Variants in GALC observed in about 807,000 individuals in gnomAD.
GALC encodes galactocerebrosidase.
In GALC, 77 loss-of-function variants were observed where a neutral mutation model predicts 91.8. The ratio of observed to expected loss-of-function variants is 0.84; its 90% CI spans 0.70 to 1.01. The LOEUF (loss-of-function observed/expected upper bound fraction) is 1.01, where lower values mean the gene tolerates loss of function less well. GALC is among the 50% of genes least tolerant of loss of function. GALC has a pLI of 0.00. For synonymous variants in GALC, 357 were observed against 306.7 expected (o/e 1.16, Z -1.71); for missense variants, 882 against 855.9 (o/e 1.03, Z -0.38).
chr14:87,987,458 T>G (rs992894308), intron 3 of GALC, among the ~76,000 whole-genome samples: 3 of 152,222 alleles, frequency 2.0e-5, no homozygotes, highest in Non-Finnish European at 4.4e-5. Context: ...CTTTGCACTT[T>G]TTCTTCAACA....
Position 87,965,517 on chromosome 14 carries a change from C to T in GALC, c.1021G>A (p.Val341Ile). Residue 341 changes from valine to isoleucine, a missense_variant, in exon 9 of 17, where the codon GTC (valine) becomes ATC (isoleucine). Coordinates refer to ENST00000261304, the MANE Select transcript of GALC (RefSeq NM_000153.4). ...AACTGAACCATACCTGATACCCAGA[C>T]AGGAGATTCTACCACGTAGTGCCCA... Reference protein sequence around the residue: ...WSGHYVVESPVWVSAHTTQFT... With the variant: ...WSGHYVVESPIWVSAHTTQFT... 6.2e-7 allele frequency: 1 copy of T among 1,613,510 alleles called. No homozygotes were observed. The highest frequency in any genetic ancestry group is 1.1e-5 in the South Asian group (1 of 91,080).
chr14:87,989,075 G>A (rs1428309537), intron 1 of GALC, among the ~76,000 whole-genome samples: 2 of 152,078 alleles, frequency 1.3e-5, no homozygotes, highest in African/African-American at 4.8e-5. Flanking sequence ...ACAGCGCAGG[G>A]ACCAATACTG....
At chr14:87,986,672 C>G in intron 3 of GALC, 70 bp from the exon 4 acceptor site, 1 of 854,866 alleles carries the variant, frequency 1.2e-6, no homozygotes, top group Non-Finnish European at 2.0e-6. Flanking sequence ...TCTCACTCCC[C>G]ACCCCCACCC....
At chr14:87,960,836 C>T (rs1359833326) in intron 10 of GALC, among the ~76,000 whole-genome samples, 6 of 152,014 alleles carry the variant, frequency 3.9e-5, no homozygotes, top group Non-Finnish European at 7.4e-5. Context: ...GGACCAAAAA[C>T]CTAAATTTAA....
Position 87,993,112 on chromosome 14 carries a change from G to A in GALC, c.53C>T (p.Thr18Ile), listed in dbSNP as rs755139799. 2.0e-5 allele frequency: 32 copies of A among 1,589,662 alleles called. No individual in the cohort carries two copies. In the South Asian group the frequency reaches 3.3e-4, roughly 16 times the overall value. ...GCGGCCCGCCGAACCCGCGGCCGCA[G>A]TCATAGCTTTCGCTCGGCGTTGCCA... ...ASWQRRAKAM[T>I]AAAGSAGRAA... Residue 18 changes from threonine (T) to isoleucine (I), a missense_variant, in exon 1 of 17, where the codon ACT (threonine) becomes ATT (isoleucine). By Grantham distance (89) the Thr-to-Ile change is moderately conservative (BLOSUM62 -1). Transcript: ENST00000261304.
intron 7 of GALC, 146 bp from the exon 8 acceptor site, chr14:87,968,636 A>C: frequency 1.3e-6 from 1 of 770,270 alleles, no homozygotes; most frequent in South Asian, 1.6e-5. Context: ...GTAGATAATG[A>C]ATCTAAGCAT....
chr14:87,958,416 C>A (rs1335440664), intron 10 of GALC, among the ~76,000 whole-genome samples: 7 of 152,024 alleles, frequency 4.6e-5, no homozygotes, highest in Non-Finnish European at 1.0e-4. Context: ...AGCCATATTA[C>A]CCAAAGCAAT....
intron 7 of GALC, among the ~76,000 whole-genome samples, chr14:87,971,466 C>T (rs1886290602): frequency 6.6e-6 from 1 of 152,024 alleles, no homozygotes; most frequent in Non-Finnish European, 1.5e-5. Context: ...ATGATATGAA[C>T]CACACATAGA....
At chr14:87,940,590 G>A (rs1319121580) in intron 15 of GALC, among the ~76,000 whole-genome samples, 4 of 151,812 alleles carry the variant, frequency 2.6e-5, no homozygotes, top group East Asian at 1.9e-4. Context: ...CTATGTTTTC[G>A]ATTTCAGTAT....
intron 14 of GALC, 80 bp from the exon 15 acceptor site, chr14:87,941,638 A>G: frequency 1.0e-6 from 1 of 994,752 alleles, no homozygotes; most frequent in East Asian, 2.4e-5. Context: ...TTCACAGCAC[A>G]TGCTTCCAAA....
At chr14:87,972,766 T>C (rs1352705945) in intron 7 of GALC, among the ~76,000 whole-genome samples, 5 of 151,828 alleles carry the variant, frequency 3.3e-5, no homozygotes, top group African/African-American at 4.8e-5. Context: ...AATAAAGAGA[T>C]AGAGAAAAAT....
chr14:87,983,318 TA>T (rs113495255), intron 5 of GALC, among the ~76,000 whole-genome samples: 17,163 of 147,502 alleles, frequency 0.12, 1,142 homozygotes, highest in Non-Finnish European at 0.16. Flanking sequence ...GGTGACAGTG[TA>T]AAAAAAAAAG....
intron 2 of GALC, 36 bp from the exon 3 acceptor site, chr14:87,988,243 T>A: frequency 6.4e-7 from 1 of 1,565,350 alleles, no homozygotes; most frequent in African/African-American, 1.3e-5. Flanking sequence ...CATAGTGTTG[T>A]ATTGTATGAA....
chr14:87,948,351 T>C (rs1255114246), intron 12 of GALC, among the ~76,000 whole-genome samples: 1 of 152,052 alleles, frequency 6.6e-6, no homozygotes, highest in Admixed American at 6.6e-5. Context: ...GATCAATATA[T>C]ATTTCAACTA....
At chr14:87,993,294 A>T, upstream of GALC, 1 of 1,538,258 alleles carries the variant, frequency 6.5e-7, no homozygotes, top group Middle Eastern at 1.7e-4. Flanking sequence ...CCTCTGACGC[A>T]GCTGGCGGAG....
At chr14:87,986,410 G>A (rs538058140) in intron 4 of GALC, 79 bp downstream of exon 4, 1 of 885,780 alleles carries the variant, frequency 1.1e-6, no homozygotes, top group Non-Finnish European at 1.8e-6. Flanking sequence ...CGTATTAATA[G>A]AGATTCCACC....
At chr14:87,967,545 A>G (rs553734942) in intron 8 of GALC, among the ~76,000 whole-genome samples, 17,172 of 152,234 alleles carry the variant, frequency 0.11, 1,124 homozygotes, top group Non-Finnish European at 0.16. Flanking sequence ...ATTGTTTAAA[A>G]AAAGCTAATT....
At chr14:87,954,858 G>A in intron 10 of GALC, 2 of 1,605,574 alleles carry the variant, frequency 1.2e-6, no homozygotes. Flanking sequence ...TTAGCTGCTT[G>A]CCATTTACTA....
intron 7 of GALC, among the ~76,000 whole-genome samples, chr14:87,970,676 T>C (rs1391655928): frequency 8.7e-5 from 13 of 148,948 alleles, no homozygotes; most frequent in Non-Finnish European, 1.3e-4. Flanking sequence ...CTGGCTAACA[T>C]GGTGAAACCC....
Sources: gnomAD v4.1 joint callset for allele counts (sites outside exome capture counted in the v4.1 genomes callset) on GRCh38, gnomAD v4.1.1 for gene constraint, MANE v1.5 for transcripts, NCBI Gene and HGNC (gene_info 2026-07-23, HGNC 2026-07-21) for gene names.